The following TMCO6 variants were observed in gnomAD, a reference collection of about 807,000 sequenced individuals.
The protein encoded by TMCO6 is transmembrane and coiled-coil domain-containing protein 6.
TMCO6 carries 47 observed loss-of-function variants against 61.8 expected under a neutral mutation model. That is an observed-to-expected ratio of 0.76 (90% CI 0.60 to 0.97). The LOEUF is 0.97. Ranked by LOEUF, TMCO6 falls within the 50% of genes least tolerant of loss-of-function variation. The probability of loss-of-function intolerance (pLI) is 0.00; values close to 1 mark genes in which losing one functional copy is unlikely to be tolerated. For synonymous variants in TMCO6, 261 were observed against 254.2 expected (o/e 1.03, Z -0.25); for missense variants, 557 against 601.6 (o/e 0.93, Z 0.78).
At chr5:140,617,499 C>T in the TMCO6 span, among the ~76,000 whole-genome samples, 2 of 152,052 alleles carry the variant, frequency 1.3e-5, no homozygotes, top group South Asian at 2.1e-4. Flanking sequence ...TGCATTTAGC[C>T]GAGATCGCAC....
chr5:140,604,791 T>G, the TMCO6 span, among the ~76,000 whole-genome samples: 1 of 151,804 alleles, frequency 6.6e-6, no homozygotes, highest in Non-Finnish European at 1.5e-5. Flanking sequence ...TTTTTTTTTT[T>G]TTTTTGCATA....
intron 7 of TMCO6, chr5:140,643,334 C>T: frequency 1.7e-6 from 1 of 585,248 alleles, no homozygotes; most frequent in South Asian, 1.9e-5. Flanking sequence ...GTAGCTGAGA[C>T]TACAGATGCG....
At chr5:140,603,221 CT>C in the TMCO6 span, among the ~76,000 whole-genome samples, 1 of 152,132 alleles carries the variant, frequency 6.6e-6, no homozygotes, top group Non-Finnish European at 1.5e-5. Context: ...ATGAATTTGC[CT>C]ATTCTGGATA....
chr5:140,609,311 A>G, the TMCO6 span: 1 of 201,276 alleles, frequency 5.0e-6, no homozygotes, highest in Non-Finnish European at 1.1e-5. Context: ...CATCAAGAAA[A>G]GGGTGGGGAC....
At chr5:140,620,690 C>CT in the TMCO6 span, among the ~76,000 whole-genome samples, 1 of 152,132 alleles carries the variant, frequency 6.6e-6, no homozygotes, top group Non-Finnish European at 1.5e-5. Flanking sequence ...TAAAACTGCT[C>CT]TTTTTAAAAA....
intron 10 of TMCO6, 76 bp from the exon 11 acceptor site, chr5:140,644,497 C>T (rs1757266870): frequency 1.3e-6 from 2 of 1,548,714 alleles, no homozygotes; most frequent in Non-Finnish European, 1.8e-6. Context: ...CATGTGGTCA[C>T]CATGTCATAT....
chr5:140,613,528 G>GTGAGAC, the TMCO6 span, among the ~76,000 whole-genome samples: 1 of 151,718 alleles, frequency 6.6e-6, no homozygotes, highest in Non-Finnish European at 1.5e-5. Flanking sequence ...TTCCAGCAGA[G>GTGAGAC]TGAGACTACA....
At chr5:140,621,352 T>C in the TMCO6 span, among the ~76,000 whole-genome samples, 276 of 152,336 alleles carry the variant, frequency 1.8e-3, 3 homozygotes, top group Middle Eastern at 0.01. Context: ...AAATTAATAC[T>C]TTTATAATTT....
chr5:140,643,008 A>G lies in TMCO6; in HGVS notation c.773A>G (p.Glu258Gly), dbSNP rs752069492. ...AAGCTCAACCCTGGGGTCGCTGTGG[A>G]GTTTGCCTGGTGCCTTCATTACATC... ...GPKLNPGVAV[E>G]FAWCLHYIIC... Residue 258 changes from glutamate to glycine, a missense_variant, in exon 7 of 12, where the codon GAG becomes GGG. Glu to Gly is a moderately conservative substitution (Grantham distance 98). Coordinates refer to ENST00000394671, the MANE Select transcript of TMCO6 (RefSeq NM_018502.5). 1 of 1,614,150 alleles carries G rather than the reference A, an allele frequency of 6.2e-7. No homozygotes were observed. Among genetic ancestry groups the G allele is most frequent in the African/African-American group, 1.3e-5 (1 of 75,028 alleles).
chr5:140,633,023 G>A, the TMCO6 span: 1 of 1,614,092 alleles, frequency 6.2e-7, no homozygotes, highest in African/African-American at 1.3e-5. Flanking sequence ...TCCAACCCCT[G>A]TGGCTCCCGA....
the TMCO6 span, among the ~76,000 whole-genome samples, chr5:140,627,088 G>GTGCC: frequency 6.6e-6 from 1 of 151,758 alleles, no homozygotes; most frequent in Admixed American, 6.6e-5. Context: ...CCACATTCCT[G>GTGCC]TGCCTTCTTA....
At chr5:140,599,940 A>AAT in the TMCO6 span, among the ~76,000 whole-genome samples, 1 of 148,636 alleles carries the variant, frequency 6.7e-6, no homozygotes, top group Non-Finnish European at 1.5e-5. Flanking sequence ...AAATAAAATA[A>AAT]AATAAAATAA....
Position 140,642,367 on chromosome 5 carries a change from G to A in TMCO6, c.551G>A (p.Arg184Lys), listed in dbSNP as rs756581512. 1 of 1,613,896 alleles carries A rather than the reference G, an allele frequency of 6.2e-7. No homozygotes were observed. Among genetic ancestry groups the A allele is most frequent in the East Asian group, 2.2e-5 (1 of 44,872 alleles). The change falls in exon 5 of 12, where the codon AGA becomes AAA. Residue 184 changes from arginine (R) to lysine (K), a missense_variant. Physicochemically the swap from Arg to Lys is conservative, Grantham distance 26. Transcript: ENST00000394671. ...CTGATCGTGGAGAGTGAGGCTGTGA[G>A]AAGGCAGCTCCTGCCACAGGGCATT... ...GNLIVESEAV[R>K]RQLLPQGIVP...
chr5:140,628,295 C>A, the TMCO6 span, among the ~76,000 whole-genome samples: 2 of 152,144 alleles, frequency 1.3e-5, no homozygotes, highest in Non-Finnish European at 2.9e-5. Context: ...TTTCTGTTCC[C>A]TGAAATGTAA....
the TMCO6 span, among the ~76,000 whole-genome samples, chr5:140,626,815 G>A: frequency 3.3e-5 from 5 of 152,138 alleles, no homozygotes; most frequent in African/African-American, 7.2e-5. Context: ...GCCTCCCAAA[G>A]TGCTAGGATT....
chr5:140,606,010 C>T, the TMCO6 span, among the ~76,000 whole-genome samples: 5 of 152,010 alleles, frequency 3.3e-5, no homozygotes, highest in South Asian at 2.1e-4. Flanking sequence ...TTCTTTCAAT[C>T]GTTTTAATTT....
At chr5:140,600,469 GTTT>G in the TMCO6 span, among the ~76,000 whole-genome samples, 1 of 138,392 alleles carries the variant, frequency 7.2e-6, no homozygotes. Flanking sequence ...AATTTGTTTT[GTTT>G]TTTTTTTTTT....
At chr5:140,647,111 T>C, downstream of TMCO6, 1 of 913,164 alleles carries the variant, frequency 1.1e-6, no homozygotes, top group Non-Finnish European at 1.6e-6. Flanking sequence ...AATATAAATT[T>C]CTTCATGGAA....
the TMCO6 span, among the ~76,000 whole-genome samples, chr5:140,624,939 T>C: frequency 6.7e-6 from 1 of 150,294 alleles, no homozygotes; most frequent in South Asian, 2.1e-4. Context: ...CTGCAACCTC[T>C]GCCTCCCAGG....
Sources: gnomAD v4.1 joint callset for allele counts (sites outside exome capture counted in the v4.1 genomes callset) on GRCh38, gnomAD v4.1.1 for gene constraint, MANE v1.5 for transcripts, NCBI Gene and HGNC (gene_info 2026-07-23, HGNC 2026-07-21) for gene names.